PIAS1: variants seen among roughly 807,000 people sequenced by gnomAD.
PIAS1 encodes E3 SUMO-protein ligase PIAS1.
Under a neutral mutation model 71.3 loss-of-function variants are expected in PIAS1, and 6 were observed. The observed-to-expected ratio is 0.08, with a 90% CI of 0.05 to 0.17. The LOEUF (loss-of-function observed/expected upper bound fraction) is 0.17. Among genes scored for constraint, PIAS1 ranks in the 10% least tolerant of loss-of-function variants. The pLI, the probability that PIAS1 is intolerant of heterozygous loss-of-function variation, is 1.00. For synonymous variants in PIAS1, 303 were observed against 292.9 expected (o/e 1.03, Z -0.35); for missense variants, 555 against 793.6 (o/e 0.70, Z 3.61).
chr15:68,186,661 G>C lies in PIAS1; in HGVS notation c.1663-881G>C, dbSNP rs1433428924. ...ACCCAGAGCAACTTCCAGTACTGCA[G>C]GCTCCATTCATGGTAAGTGCCCTAT... is the stretch of plus-strand genomic sequence containing the variant. On this transcript the variant is annotated intron_variant, in intron 13 of 13. Transcript: ENST00000249636. This position sits in a 1 kb window ranked among gnomAD's most constrained non-coding sequence, Gnocchi z 4.4. Among the ~76,000 whole-genome samples the C allele has an allele frequency of 3.3e-5, 5 of 152,186 alleles. No individual in the cohort carries two copies. The highest frequency in any genetic ancestry group is 9.6e-5 in the African/African-American group (4 of 41,452).
chr15:68,058,514 A>G (rs1198078995), intron 1 of PIAS1, among the ~76,000 whole-genome samples: 2 of 152,132 alleles, frequency 1.3e-5, no homozygotes, highest in Non-Finnish European at 2.9e-5. Context: ...GTCCTCCTTA[A>G]AGGTCCTACA....
Position 68,156,727 on chromosome 15 carries a change from A to AAG in PIAS1, c.934+3049_934+3050dup, listed in dbSNP as rs56927626. Among the ~76,000 whole-genome samples, 873 of 143,824 alleles carry AAG rather than the reference A, an allele frequency of 6.1e-3. 5 individuals are homozygous for AAG. Among genetic ancestry groups the AAG allele is most frequent in the African/African-American group, 0.019 (754 of 38,750 alleles). The allele number at this position is 143,824 out of a possible 152,430, so 94.4% of individuals were successfully genotyped here. A position where few individuals can be genotyped will look rare whatever the true frequency, so the allele number is the denominator to read the frequency against. Reference sequence around the variant, plus strand: ...CTGTCTTTAAAAAAAAAAAAAAAAAAAGAGAGAGAGAGAGAGAGCGCCAAG... The same window carrying AAG: ...CTGTCTTTAAAAAAAAAAAAAAAAAAAGAGAGAGAGAGAGAGAGAGCGCCAAG... On this transcript the variant is annotated intron_variant, in intron 7 of 13. Transcript: ENST00000249636.
chr15:68,079,149 C>A (rs2092201455), intron 1 of PIAS1, among the ~76,000 whole-genome samples: 1 of 151,516 alleles, frequency 6.6e-6, no homozygotes. Flanking sequence ...TTTGCCAGTA[C>A]CATTATATTG....
At chr15:68,116,083 G>T (rs1159214301) in intron 2 of PIAS1, among the ~76,000 whole-genome samples, 1 of 148,640 alleles carries the variant, frequency 6.7e-6, no homozygotes, top group African/African-American at 2.5e-5. Flanking sequence ...ATTTTTTTTT[G>T]GCGAGGATGG....
intron 2 of PIAS1, among the ~76,000 whole-genome samples, chr15:68,100,095 C>CG (rs938696861): frequency 3.7e-5 from 4 of 109,140 alleles, no homozygotes; most frequent in South Asian, 3.9e-4. Flanking sequence ...TGTATTTCTT[C>CG]GGGAAAAAAA....
At chr15:68,172,358 G>A (rs753933316) in intron 8 of PIAS1, among the ~76,000 whole-genome samples, 1 of 152,188 alleles carries the variant, frequency 6.6e-6, no homozygotes, top group East Asian at 1.9e-4. Context: ...ATTGTGAATA[G>A]TGCTGCAATA....
At chr15:68,139,205 G>A (rs1314665582) in intron 2 of PIAS1, among the ~76,000 whole-genome samples, 2 of 152,152 alleles carry the variant, frequency 1.3e-5, no homozygotes, top group Non-Finnish European at 2.9e-5. Flanking sequence ...TTGGAATCCA[G>A]GTCTGTGTAA....
intron 6 of PIAS1, among the ~76,000 whole-genome samples, chr15:68,149,919 G>A (rs1461665365): frequency 6.6e-6 from 1 of 152,024 alleles, no homozygotes. Flanking sequence ...ATGTTAATGA[G>A]AATACTGCTA....
chr15:68,094,624 T>C (rs964513085), intron 2 of PIAS1, among the ~76,000 whole-genome samples: 11 of 152,166 alleles, frequency 7.2e-5, no homozygotes, highest in African/African-American at 2.4e-4. Context: ...ATTCTTAATA[T>C]CCAGTGCCTG....
chr15:68,075,185 A>G (rs890024003), intron 1 of PIAS1, among the ~76,000 whole-genome samples: 3 of 146,564 alleles, frequency 2.0e-5, no homozygotes, highest in African/African-American at 5.0e-5. Context: ...CCCCAGGTTC[A>G]AGCAATTCTC....
chr15:68,179,561 G>GTTT (rs1307028845), intron 11 of PIAS1, among the ~76,000 whole-genome samples: 10 of 30,172 alleles, frequency 3.3e-4, no homozygotes, highest in Admixed American at 9.0e-4. Context: ...CTCGTGAAAT[G>GTTT]TTCTTTTTTT....
At chr15:68,127,743 G>A (rs948926427) in intron 2 of PIAS1, among the ~76,000 whole-genome samples, 5 of 151,836 alleles carry the variant, frequency 3.3e-5, no homozygotes, top group Non-Finnish European at 7.4e-5. Context: ...TTTTCCTTTT[G>A]TTTTCATTTT....
chr15:68,140,862 C>T (rs921151217), intron 2 of PIAS1, among the ~76,000 whole-genome samples: 9 of 152,046 alleles, frequency 5.9e-5, no homozygotes, highest in Admixed American at 5.9e-4. Context: ...TCATTTTCTT[C>T]TAGAAAATTA....
chr15:68,056,537 T>C (rs544381919), intron 1 of PIAS1, among the ~76,000 whole-genome samples: 6 of 152,316 alleles, frequency 3.9e-5, no homozygotes, highest in African/African-American at 9.6e-5. Context: ...TCTACTCTTA[T>C]GTTCCTGTTG....
intron 2 of PIAS1, among the ~76,000 whole-genome samples, chr15:68,110,567 G>T (rs2092514880): frequency 6.6e-6 from 1 of 152,066 alleles, no homozygotes; most frequent in Non-Finnish European, 1.5e-5. Flanking sequence ...TTGCACTCCA[G>T]CCTGGGCAAC....
intron 1 of PIAS1, among the ~76,000 whole-genome samples, chr15:68,055,539 C>T (rs1253870696): frequency 2.6e-5 from 4 of 151,996 alleles, no homozygotes; most frequent in African/African-American, 4.8e-5. Flanking sequence ...ACAAATGGGG[C>T]TCCGCTTGAA....
chr15:68,144,703 A>G (rs1219488554), intron 4 of PIAS1, among the ~76,000 whole-genome samples: 1 of 152,136 alleles, frequency 6.6e-6, no homozygotes, highest in Admixed American at 6.6e-5. Context: ...CTGTTTGCTA[A>G]GTATATTTCT....
At chr15:68,144,748 T>G (rs2092796556) in intron 4 of PIAS1, among the ~76,000 whole-genome samples, 1 of 152,196 alleles carries the variant, frequency 6.6e-6, no homozygotes, top group African/African-American at 2.4e-5. Context: ...TCTTAACTTT[T>G]TTATGGATCC....
chr15:68,092,559 A>G (rs1012012194), intron 2 of PIAS1, among the ~76,000 whole-genome samples: 1 of 152,188 alleles, frequency 6.6e-6, no homozygotes, highest in African/African-American at 2.4e-5. Flanking sequence ...TGTGGTCTGA[A>G]TGTGTCCCTC....
Sources: gnomAD v4.1 joint callset for allele counts (sites outside exome capture counted in the v4.1 genomes callset) on GRCh38, gnomAD v4.1.1 for gene constraint, Gnocchi (gnomAD v3.1) non-coding constraint, MANE v1.5 for transcripts, NCBI Gene and HGNC (gene_info 2026-07-23, HGNC 2026-07-21) for gene names.